CACNA2D3: variants seen among roughly 807,000 people sequenced by gnomAD.
CACNA2D3 encodes the protein voltage-dependent calcium channel subunit alpha-2/delta-3.
CACNA2D3 carries 60 observed loss-of-function variants against 160.6 expected under a neutral mutation model. The observed-to-expected ratio is 0.37, with a 90% CI of 0.30 to 0.46. The LOEUF (loss-of-function observed/expected upper bound fraction) is 0.46. CACNA2D3 is among the 20% of genes least tolerant of loss of function. The probability of loss-of-function intolerance (pLI) is 1.00; values close to 1 mark genes in which losing one functional copy is unlikely to be tolerated. For synonymous variants in CACNA2D3, 558 were observed against 492.9 expected (o/e 1.13, Z -1.75); for missense variants, 1,205 against 1,365.0 (o/e 0.88, Z 1.85).
At chr3:54,575,730 T>G (rs767938761) in intron 8 of CACNA2D3, among the ~76,000 whole-genome samples, 4 of 152,024 alleles carry the variant, frequency 2.6e-5, no homozygotes, top group Non-Finnish European at 5.9e-5. Context: ...TGGTGGCTTA[T>G]CAGAAGAAGT....
At chr3:54,886,164 C>CACAATATAGCTCCAGTAGCT in intron 23 of CACNA2D3, among the ~76,000 whole-genome samples, 1 of 151,934 alleles carries the variant, frequency 6.6e-6, no homozygotes, top group South Asian at 2.1e-4. Flanking sequence ...CCTATACTCT[C>CACAATATAGCTCCAGTAGCT]ACAGTTTGGG....
chr3:54,955,460 A>G (rs1273700971), intron 27 of CACNA2D3, among the ~76,000 whole-genome samples: 2 of 151,670 alleles, frequency 1.3e-5, no homozygotes, highest in East Asian at 3.9e-4. Context: ...TTTGGAAAAA[A>G]GAAAAAAGAA....
chr3:54,899,538 G>T (rs1700278196), intron 26 of CACNA2D3, among the ~76,000 whole-genome samples: 1 of 152,116 alleles, frequency 6.6e-6, no homozygotes, highest in Admixed American at 6.5e-5. Flanking sequence ...ATGTGAAGAG[G>T]CTGGATGTTC....
intron 2 of CACNA2D3, among the ~76,000 whole-genome samples, chr3:54,275,239 G>A (rs891987137): frequency 3.3e-5 from 5 of 152,140 alleles, no homozygotes; most frequent in Non-Finnish European, 5.9e-5. Flanking sequence ...CTCTGCCCCG[G>A]CCCACCTCTG....
intron 2 of CACNA2D3, among the ~76,000 whole-genome samples, chr3:54,304,936 T>G (rs1317181094): frequency 6.6e-6 from 1 of 152,220 alleles, no homozygotes; most frequent in African/African-American, 2.4e-5. Context: ...AACATGGCTT[T>G]AATTATAAAC....
chr3:54,215,618 G>C (rs1022538432), intron 2 of CACNA2D3, among the ~76,000 whole-genome samples: 2 of 152,138 alleles, frequency 1.3e-5, no homozygotes, highest in African/African-American at 4.8e-5. Flanking sequence ...AGTGAACGGC[G>C]ATGTGAGGGT....
intron 35 of CACNA2D3, among the ~76,000 whole-genome samples, chr3:55,028,141 C>T (rs1033731177): frequency 2.0e-5 from 3 of 152,126 alleles, no homozygotes; most frequent in African/African-American, 4.8e-5. Flanking sequence ...TAGATGGTTT[C>T]GTATGGAAAA....
chr3:54,605,687 C>T (rs1229035338), intron 9 of CACNA2D3, among the ~76,000 whole-genome samples: 1 of 152,150 alleles, frequency 6.6e-6, no homozygotes, highest in Middle Eastern at 3.2e-3. Context: ...TTCTATGAGG[C>T]CAGAGGCTTT....
rs544985645 is a variant in CACNA2D3 at position 54,704,887 on chromosome 3, C to T, written c.1168-47712C>T. Among the ~76,000 whole-genome samples, 19 of 152,200 alleles carry T rather than the reference C, an allele frequency of 1.2e-4. No homozygotes were observed. The South Asian group carries it at 4.0e-3, about 32-fold the overall frequency. On this transcript the variant is annotated intron_variant, in intron 11 of 37. Coordinates refer to ENST00000474759, the MANE Select transcript of CACNA2D3 (RefSeq NM_018398.3). ...TGACCCAAAAAGGAGATTCTCTACC[C>T]CCCACCCCCATTTCTACAGGGAAAC...
chr3:54,134,211 C>G (rs928172314), intron 2 of CACNA2D3, among the ~76,000 whole-genome samples: 1 of 152,162 alleles, frequency 6.6e-6, no homozygotes, highest in African/African-American at 2.4e-5. Flanking sequence ...GCAGGGCCTT[C>G]TGTGCCTTCG....
intron 5 of CACNA2D3, among the ~76,000 whole-genome samples, chr3:54,547,103 A>G (rs916745954): frequency 6.6e-6 from 1 of 152,186 alleles, no homozygotes; most frequent in Non-Finnish European, 1.5e-5. Context: ...GCTGTTGTTC[A>G]ACAAGCCAAA....
At chr3:54,416,149 A>G (rs1192617908) in intron 4 of CACNA2D3, among the ~76,000 whole-genome samples, 1 of 152,196 alleles carries the variant, frequency 6.6e-6, no homozygotes, top group East Asian at 1.9e-4. Context: ...AGCACGTGTA[A>G]TCTTTTAAAA....
intron 11 of CACNA2D3, among the ~76,000 whole-genome samples, chr3:54,677,254 A>G (rs1414993579): frequency 6.6e-6 from 1 of 152,224 alleles, no homozygotes; most frequent in East Asian, 1.9e-4. Context: ...GCCTTATTTT[A>G]TGCAAGATAG....
chr3:54,694,188 T>G (rs1425310457), intron 11 of CACNA2D3, among the ~76,000 whole-genome samples: 1 of 152,158 alleles, frequency 6.6e-6, no homozygotes, highest in Admixed American at 6.5e-5. Context: ...TTTTCTATGT[T>G]TAGGTATGTT....
intron 9 of CACNA2D3, among the ~76,000 whole-genome samples, chr3:54,583,052 A>G (rs1702703835): frequency 6.6e-6 from 1 of 152,214 alleles, no homozygotes; most frequent in Admixed American, 6.5e-5. Flanking sequence ...AGGCTAAGGT[A>G]AGAAAAGTGA....
intron 11 of CACNA2D3, among the ~76,000 whole-genome samples, chr3:54,690,987 G>T (rs187166646): frequency 3.3e-5 from 5 of 152,182 alleles, no homozygotes; most frequent in African/African-American, 1.2e-4. Flanking sequence ...GCCTACAAAT[G>T]GCAAGGAAGT....
intron 34 of CACNA2D3, among the ~76,000 whole-genome samples, chr3:55,009,951 A>G (rs957886753): frequency 6.6e-6 from 1 of 152,182 alleles, no homozygotes; most frequent in Non-Finnish European, 1.5e-5. Context: ...TTTCAGTCCC[A>G]GCTTAGAGGT....
At chr3:54,595,263 A>G (rs576779690) in intron 9 of CACNA2D3, among the ~76,000 whole-genome samples, 4 of 151,410 alleles carry the variant, frequency 2.6e-5, no homozygotes, top group Admixed American at 6.6e-5. Flanking sequence ...TTTATCTTGG[A>G]ATTCTCTGTG....
At chr3:54,782,650 C>T (rs534250193) in intron 13 of CACNA2D3, among the ~76,000 whole-genome samples, 8 of 151,824 alleles carry the variant, frequency 5.3e-5, no homozygotes, top group East Asian at 1.9e-4. Context: ...TGCTGTAGGT[C>T]GTGTGTCCAG....
Sources: gnomAD v4.1 joint callset for allele counts (sites outside exome capture counted in the v4.1 genomes callset) on GRCh38, gnomAD v4.1.1 for gene constraint, MANE v1.5 for transcripts, NCBI Gene and HGNC (gene_info 2026-07-23, HGNC 2026-07-21) for gene names.